The following TMEM232 variants were observed in gnomAD, a reference collection of about 807,000 sequenced individuals.
TMEM232 encodes the protein transmembrane protein 232.
A neutral mutation model predicts 78.8 loss-of-function variants in TMEM232; 80 were observed. The ratio of observed to expected loss-of-function variants is 1.01; its 90% CI spans 0.85 to 1.22. The LOEUF is 1.22. TMEM232 is among the 50% of genes most tolerant of loss of function. The probability of loss-of-function intolerance (pLI) is 0.00; values close to 1 mark genes in which losing one functional copy is unlikely to be tolerated. For missense variants in TMEM232, 881 were observed against 742.2 expected (o/e 1.19, Z -2.17); for synonymous variants, 297 against 254.3 (o/e 1.17, Z -1.60).
At chr5:110,398,294 C>T (rs961927201) in intron 2 of TMEM232, among the ~76,000 whole-genome samples, 1 of 152,060 alleles carries the variant, frequency 6.6e-6, no homozygotes, top group Non-Finnish European at 1.5e-5. Flanking sequence ...GTATAACAAA[C>T]CTCTACAAAA....
At chr5:110,548,344 A>G (rs1288850529) in intron 11 of TMEM232, among the ~76,000 whole-genome samples, 2 of 149,306 alleles carry the variant, frequency 1.3e-5, no homozygotes, top group African/African-American at 4.9e-5. Context: ...AATATTATTA[A>G]TCATTAATTA....
chr5:110,512,990 C>G (rs1392944167), intron 12 of TMEM232, among the ~76,000 whole-genome samples: 2 of 152,102 alleles, frequency 1.3e-5, no homozygotes, highest in Non-Finnish European at 2.9e-5. Flanking sequence ...GAAAGACACT[C>G]GTCATATAAG....
At chr5:110,701,668 G>T (rs574218947) in intron 1 of TMEM232, among the ~76,000 whole-genome samples, 1 of 152,036 alleles carries the variant, frequency 6.6e-6, no homozygotes, top group East Asian at 1.9e-4. Context: ...CTTTACCTGA[G>T]ATGGCTTTCA....
chr5:110,554,958 G>C (rs1197542339), intron 11 of TMEM232, among the ~76,000 whole-genome samples: 3 of 151,802 alleles, frequency 2.0e-5, no homozygotes, highest in Non-Finnish European at 4.4e-5. Flanking sequence ...AGGTTTTGTT[G>C]ATCATTTGTA....
chr5:110,608,714 G>A (rs183273238), intron 8 of TMEM232, among the ~76,000 whole-genome samples: 16 of 152,040 alleles, frequency 1.1e-4, no homozygotes, highest in Admixed American at 5.3e-4. Context: ...AAATGCTTTC[G>A]TCAAAAACAG....
chr5:110,657,373 ATATC>A (rs924918741), intron 2 of TMEM232, among the ~76,000 whole-genome samples: 12 of 126,892 alleles, frequency 9.5e-5, no homozygotes, highest in African/African-American at 2.6e-4. Context: ...TGATGAATGG[ATATC>A]TATCTGAGTG....
chr5:110,714,460 G>A (rs769562291), intron 1 of TMEM232, among the ~76,000 whole-genome samples: 28 of 152,078 alleles, frequency 1.8e-4, no homozygotes, highest in Non-Finnish European at 3.2e-4. Context: ...TAGCCCACTC[G>A]AGGACATATT....
chr5:110,528,967 A>T (rs1442551119), intron 11 of TMEM232, 132 bp from the exon 12 acceptor site: 1 of 931,722 alleles, frequency 1.1e-6, no homozygotes, highest in East Asian at 3.5e-5. Context: ...TTAAGTAAAA[A>T]TAATCTTTAT....
intron 3 of TMEM232, among the ~76,000 whole-genome samples, chr5:110,394,149 A>AAGTTCAAATG (rs1755303391): frequency 6.6e-6 from 1 of 151,952 alleles, no homozygotes; most frequent in African/African-American, 2.4e-5. Flanking sequence ...CTTTCTCCAT[A>AAGTTCAAATG]AGTTCAATTG....
intron 6 of TMEM232, among the ~76,000 whole-genome samples, chr5:110,626,467 G>A (rs919798522): frequency 2.0e-5 from 3 of 151,910 alleles, no homozygotes; most frequent in African/African-American, 7.3e-5. Flanking sequence ...TAACACTTCT[G>A]CTATTACCTT....
intron 11 of TMEM232, among the ~76,000 whole-genome samples, chr5:110,539,718 T>C (rs1368749314): frequency 1.3e-5 from 2 of 152,190 alleles, no homozygotes; most frequent in Non-Finnish European, 2.9e-5. Context: ...GACCTTCTTG[T>C]GCGTAGCCCA....
At chr5:110,709,215 G>C (rs1796232078) in intron 1 of TMEM232, among the ~76,000 whole-genome samples, 1 of 152,014 alleles carries the variant, frequency 6.6e-6, no homozygotes, top group African/African-American at 2.4e-5. Flanking sequence ...CCTAAAACTG[G>C]AGCACACAGA....
intron 12 of TMEM232, among the ~76,000 whole-genome samples, chr5:110,440,127 T>C (rs1461015974): frequency 6.6e-6 from 1 of 152,034 alleles, no homozygotes; most frequent in Non-Finnish European, 1.5e-5. Context: ...GAAAGATGAG[T>C]AGGAGTTAGT....
At chr5:110,565,472 T>C (rs575006136) in intron 11 of TMEM232, among the ~76,000 whole-genome samples, 1 of 151,962 alleles carries the variant, frequency 6.6e-6, no homozygotes, top group Non-Finnish European at 1.5e-5. Context: ...AGCTTTCCTG[T>C]CTCTTATGAG....
At chr5:110,487,449 T>A (rs1229190159) in intron 12 of TMEM232, among the ~76,000 whole-genome samples, 2 of 152,260 alleles carry the variant, frequency 1.3e-5, no homozygotes, top group East Asian at 3.9e-4. Flanking sequence ...TGTGGGTTTG[T>A]CATAGATGGC....
chr5:110,674,908 CA>C (rs1162648575), intron 1 of TMEM232, among the ~76,000 whole-genome samples: 3 of 152,160 alleles, frequency 2.0e-5, no homozygotes, highest in African/African-American at 7.2e-5. Context: ...GCAATTTGGA[CA>C]TATTAGTGAC....
intron 4 of TMEM232, among the ~76,000 whole-genome samples, chr5:110,640,287 G>GCCCCCA (rs1473514611): frequency 1.3e-5 from 2 of 152,024 alleles, no homozygotes; most frequent in East Asian, 3.9e-4. Context: ...TAATTTACAT[G>GCCCCCA]GGGGAAATTC....
intron 5 of TMEM232, among the ~76,000 whole-genome samples, chr5:110,629,591 T>G (rs1784859684): frequency 6.6e-6 from 1 of 152,096 alleles, no homozygotes; most frequent in Non-Finnish European, 1.5e-5. Context: ...TTCTCAGCTC[T>G]CCCACATTTC....
At chr5:110,574,416 T>C (rs1373804079) in intron 10 of TMEM232, among the ~76,000 whole-genome samples, 1 of 152,064 alleles carries the variant, frequency 6.6e-6, no homozygotes, top group African/African-American at 2.4e-5. Flanking sequence ...TTGGCCTTTG[T>C]CCTTGGCTCT....
Sources: gnomAD v4.1 joint callset for allele counts (sites outside exome capture counted in the v4.1 genomes callset) on GRCh38, gnomAD v4.1.1 for gene constraint, MANE v1.5 for transcripts, NCBI Gene and HGNC (gene_info 2026-07-23, HGNC 2026-07-21) for gene names.